MYOCD: variants seen among roughly 807,000 people sequenced by gnomAD.
MYOCD encodes myocardin.
In MYOCD, 32 loss-of-function variants were observed where a neutral mutation model predicts 96.1. That is an observed-to-expected ratio of 0.33 (90% CI 0.25 to 0.45). The LOEUF (loss-of-function observed/expected upper bound fraction) is 0.45. Among genes scored for constraint, MYOCD ranks in the 20% least tolerant of loss-of-function variants. The probability of loss-of-function intolerance (pLI) is 1.00; values close to 1 mark genes in which losing one functional copy is unlikely to be tolerated. For missense variants in MYOCD, 1,133 were observed against 1,200.6 expected (o/e 0.94, Z 0.83); for synonymous variants, 469 against 469.0 (o/e 1.00, Z 0.00).
intron 4 of MYOCD, 38 bp downstream of exon 4, chr17:12,717,459 A>T (rs778335241): frequency 1.3e-6 from 2 of 1,525,996 alleles, no homozygotes; most frequent in Admixed American, 3.4e-5. Context: ...GAGATGCTGC[A>T]GAATGGTGGG....
At chr17:12,753,859 T>A (rs566029046) in intron 10 of MYOCD, among the ~76,000 whole-genome samples, 1 of 152,186 alleles carries the variant, frequency 6.6e-6, no homozygotes, top group African/African-American at 2.4e-5. Flanking sequence ...CTTCATGTAA[T>A]GGTCTGCATA....
At chr17:12,697,821 T>A (rs2030852939) in intron 1 of MYOCD, among the ~76,000 whole-genome samples, 1 of 152,230 alleles carries the variant, frequency 6.6e-6, no homozygotes, top group Non-Finnish European at 1.5e-5. Flanking sequence ...TTGTGGCTTA[T>A]ATTAGAACTT....
intron 2 of MYOCD, chr17:12,710,468 A>G: frequency 1.0e-6 from 1 of 972,510 alleles, no homozygotes; most frequent in African/African-American, 1.8e-5. Context: ...CTGTCTATGA[A>G]TGGTGCTGCC....
chr17:12,756,852 G>T (rs1432849396), intron 11 of MYOCD, among the ~76,000 whole-genome samples: 1 of 152,024 alleles, frequency 6.6e-6, no homozygotes, highest in Non-Finnish European at 1.5e-5. Context: ...AAATAATGAA[G>T]TTCCCTTTCA....
At chr17:12,718,066 T>C (rs780953478) in intron 4 of MYOCD, among the ~76,000 whole-genome samples, 2 of 151,386 alleles carry the variant, frequency 1.3e-5, no homozygotes, top group Non-Finnish European at 2.9e-5. Context: ...CTAAAAGAGG[T>C]CCAATCCCTA....
intron 1 of MYOCD, among the ~76,000 whole-genome samples, chr17:12,690,497 T>C (rs1343484350): frequency 6.6e-6 from 1 of 152,086 alleles, no homozygotes; most frequent in Non-Finnish European, 1.5e-5. Flanking sequence ...AAATATTATG[T>C]GGCCATAGAG....
chr17:12,736,157 T>C lies in MYOCD; in HGVS notation c.416-4T>C, dbSNP rs1176550746. ...GACCAAGTTCCTGGATTTCACCCCC[T>C]CAGGTAACCAGGTGAGTTTCTCCAA... On this transcript the variant is annotated splice_region_variant and splice_polypyrimidine_tract_variant and intron_variant, in intron 5 of 13. Transcript: ENST00000425538. 2 of 1,613,658 alleles carry C rather than the reference T, an allele frequency of 1.2e-6. No homozygotes were observed. Among genetic ancestry groups the C allele is most frequent in the African/African-American group, 2.7e-5 (2 of 74,920 alleles).
At chr17:12,682,030 C>G (rs1910498262) in intron 1 of MYOCD, among the ~76,000 whole-genome samples, 1 of 152,194 alleles carries the variant, frequency 6.6e-6, no homozygotes, top group African/African-American at 2.4e-5. Context: ...ATCCCTGGCT[C>G]TCAGCCTTGT....
rs748186514 is a variant in MYOCD, at chr17:12,705,118, C to T, written c.56-10C>T. 1.2e-6 allele frequency: 2 copies of T among 1,606,378 alleles called. No homozygotes were observed. Among genetic ancestry groups the T allele is most frequent in the East Asian group, 4.5e-5 (2 of 44,810 alleles). ...AGCCCAACTCACAAACTAACACTCC[C>T]TTTTCTAAGTTTTACAGTTAAGACT... is the stretch of plus-strand genomic sequence containing the variant. On this transcript the variant is annotated splice_polypyrimidine_tract_variant and intron_variant, in intron 1 of 13. Transcript: ENST00000425538.
chr17:12,714,989 G>C (rs2031594193), intron 2 of MYOCD, among the ~76,000 whole-genome samples: 1 of 151,992 alleles, frequency 6.6e-6, no homozygotes, highest in African/African-American at 2.4e-5. Context: ...CTCAAAGTTT[G>C]ATTCTCTGCT....
chr17:12,747,345 C>T (rs1275194644), intron 9 of MYOCD, among the ~76,000 whole-genome samples: 1 of 134,798 alleles, frequency 7.4e-6, no homozygotes, highest in African/African-American at 2.7e-5. Flanking sequence ...CCATCTGAGT[C>T]TTGGGAGAGT....
In MYOCD at chr17:12,756,398, A is replaced by C. The variant is rs907124190; in HGVS notation, c.2059-16A>C. 1.3e-6 allele frequency: 2 copies of C among 1,551,970 alleles called. No individual in the cohort carries two copies. Among genetic ancestry groups the C allele is most frequent in the African/African-American group, 2.7e-5 (2 of 72,980 alleles). On this transcript the variant is annotated splice_polypyrimidine_tract_variant and intron_variant, in intron 10 of 13. Transcript: ENST00000425538. ...GCTGCTGCTGGCCATGTAATTTGTCACTTCTTCCTTTGCAGAACTCAGGAG... is the reference window on the plus strand; with the variant it reads ...GCTGCTGCTGGCCATGTAATTTGTCCCTTCTTCCTTTGCAGAACTCAGGAG...
rs12450539 is a variant in MYOCD, at chr17:12,767,643, G to C, written c.*3999G>C. The C allele has an allele frequency of 6.6e-5, 10 of 151,954 alleles. No individual in the cohort carries two copies. The highest frequency in any genetic ancestry group is 2.2e-4 in the African/African-American group (9 of 41,456). 9.4% of individuals were successfully genotyped at this position (151,954 alleles called of 1,614,324 possible). A position where few individuals can be genotyped will look rare whatever the true frequency, so the allele number is the denominator to read the frequency against. ...AAAGGGGTCTTCATTTTTCCAAGAG[G>C]GGGTGGAGGTGGGGATCACTTTTTA... is the stretch of plus-strand genomic sequence containing the variant. On this transcript the variant is annotated 3_prime_UTR_variant, in exon 14 of 14. Coordinates refer to ENST00000425538, the MANE Select transcript of MYOCD (RefSeq NM_001146312.3).
At chr17:12,750,688 CA>C (rs1222306517) in intron 9 of MYOCD, among the ~76,000 whole-genome samples, 2 of 150,334 alleles carry the variant, frequency 1.3e-5, no homozygotes, top group Admixed American at 1.3e-4. Flanking sequence ...GACTCCGCCT[CA>C]AAAAAAAACT....
chr17:12,667,705 G>A (rs889243636), intron 1 of MYOCD, among the ~76,000 whole-genome samples: 21 of 152,134 alleles, frequency 1.4e-4, no homozygotes, highest in Non-Finnish European at 2.8e-4. Context: ...CTTGCAAAAC[G>A]CTTATCAATC....
intron 6 of MYOCD, among the ~76,000 whole-genome samples, chr17:12,738,514 T>G (rs2032409771): frequency 6.6e-6 from 1 of 152,114 alleles, no homozygotes; most frequent in African/African-American, 2.4e-5. Flanking sequence ...TACATATACA[T>G]GCCTGTGTGC....
At chr17:12,678,289 T>TATCA (rs1910214795) in intron 1 of MYOCD, among the ~76,000 whole-genome samples, 1 of 147,888 alleles carries the variant, frequency 6.8e-6, no homozygotes, top group South Asian at 2.2e-4. Context: ...TTTATATATC[T>TATCA]ATCATCACTT....
intron 5 of MYOCD, among the ~76,000 whole-genome samples, chr17:12,734,550 G>A (rs147937080): frequency 0.039 from 4,210 of 109,318 alleles, 160 homozygotes; most frequent in African/African-American, 0.1. Flanking sequence ...TTGTTCTGTC[G>A]CCCGGGCTAG....
At chr17:12,734,889 T>G (rs1362088819) in intron 5 of MYOCD, among the ~76,000 whole-genome samples, 1 of 115,766 alleles carries the variant, frequency 8.6e-6, no homozygotes, top group African/African-American at 2.7e-5. Flanking sequence ...GATAATGACT[T>G]TTATAAATAA....
Sources: gnomAD v4.1 joint callset for allele counts (sites outside exome capture counted in the v4.1 genomes callset) on GRCh38, gnomAD v4.1.1 for gene constraint, MANE v1.5 for transcripts, NCBI Gene and HGNC (gene_info 2026-07-23, HGNC 2026-07-21) for gene names.